The following SNX29 variants were observed in gnomAD, a reference collection of about 807,000 sequenced individuals.
SNX29 encodes sorting nexin-29.
In SNX29, 78 loss-of-function variants were observed where a neutral mutation model predicts 102.1. That is an observed-to-expected ratio of 0.76 (90% CI 0.64 to 0.92). SNX29 has a LOEUF of 0.92. Among genes scored for constraint, SNX29 ranks in the 40% least tolerant of loss-of-function variants. SNX29 has a pLI of 0.00. For synonymous variants in SNX29, 580 were observed against 414.5 expected (o/e 1.40, Z -4.85); for missense variants, 1,280 against 1,061.7 (o/e 1.21, Z -2.86).
chr16:12,004,792 A>G (rs2056401329), intron 3 of SNX29, among the ~76,000 whole-genome samples: 1 of 152,236 alleles, frequency 6.6e-6, no homozygotes. Flanking sequence ...ATTTAAAATG[A>G]TGCACCCTAT....
intron 13 of SNX29, among the ~76,000 whole-genome samples, chr16:12,189,296 A>G (rs1259949560): frequency 6.6e-6 from 1 of 152,162 alleles, no homozygotes; most frequent in Non-Finnish European, 1.5e-5. Flanking sequence ...TTTCTTGCAA[A>G]ATGGTTGAGT....
intron 1 of SNX29, among the ~76,000 whole-genome samples, chr16:11,991,392 C>G (rs2055841206): frequency 6.6e-6 from 1 of 152,136 alleles, no homozygotes; most frequent in Admixed American, 6.6e-5. Context: ...TGCCGTGAGA[C>G]TTGCCGTCTC....
intron 19 of SNX29, among the ~76,000 whole-genome samples, chr16:12,479,008 C>T (rs191060588): frequency 3.3e-5 from 5 of 152,254 alleles, no homozygotes; most frequent in South Asian, 2.1e-4. Context: ...TGTAAGACAT[C>T]GGGCATTGTA....
chr16:12,121,073 A>G (rs1478352143), intron 11 of SNX29, among the ~76,000 whole-genome samples: 1 of 152,192 alleles, frequency 6.6e-6, no homozygotes, highest in Admixed American at 6.5e-5. Context: ...TTGTTTATCA[A>G]TTCACTTACG....
rs1439032702 is a variant in SNX29, at chr16:12,205,423, T to C, written c.1678+5740T>C. Among the ~76,000 whole-genome samples, 4 of 152,226 alleles carry C rather than the reference T, an allele frequency of 2.6e-5. No individual in the cohort carries two copies. In the East Asian group the frequency reaches 7.7e-4, roughly 29 times the overall value. On this transcript the variant is annotated intron_variant, in intron 14 of 20. Transcript: ENST00000566228. ...TCATGGTTTTCCAGTCCTGACTTTT[T>C]GATGATGGCCTTCAGTGCTTGTGAT... is the stretch of plus-strand genomic sequence containing the variant.
At chr16:12,323,285 G>A (rs1329325762) in intron 15 of SNX29, among the ~76,000 whole-genome samples, 1 of 152,184 alleles carries the variant, frequency 6.6e-6, no homozygotes, top group East Asian at 1.9e-4. Context: ...GCATTTTAAT[G>A]TCGTTACTTT....
intron 13 of SNX29, chr16:12,135,521 A>C (rs2054627676): frequency 4.5e-6 from 6 of 1,319,188 alleles, no homozygotes; most frequent in Non-Finnish European, 6.0e-6. Context: ...GGATGGTGCC[A>C]GCCAGTTCTC....
At chr16:12,518,966 G>A (rs2089986269) in intron 19 of SNX29, among the ~76,000 whole-genome samples, 1 of 152,172 alleles carries the variant, frequency 6.6e-6, no homozygotes, top group Non-Finnish European at 1.5e-5. Flanking sequence ...TGGTCATACT[G>A]CCTGTGCAAG....
rs59431064 is a variant in SNX29 at position 12,501,724 on chromosome 16, CAAAAAAAA to C, written c.2179-22958_2179-22951del. 2.9e-3 allele frequency among the ~76,000 whole-genome samples: 132 copies of C among 44,920 alleles called. 1 individual carries two copies. The highest frequency in any genetic ancestry group is 8.6e-3 in the African/African-American group (119 of 13,854). The allele number at this position is 44,920 out of a possible 152,430, so 29.5% of individuals were successfully genotyped here. ...TGGGTGGCAGAGCAAGACACTGTCT[CAAAAAAAA>C]AAAAAAAAAAAAAAAAAAAGGCAGT... On this transcript the variant is annotated intron_variant, in intron 19 of 20. Transcript: ENST00000566228.
At chr16:12,192,228 G>T (rs1007629125) in intron 13 of SNX29, among the ~76,000 whole-genome samples, 1 of 152,150 alleles carries the variant, frequency 6.6e-6, no homozygotes, top group Non-Finnish European at 1.5e-5. Context: ...ATTTGCTTTC[G>T]TTCCCATGCT....
At chr16:11,996,319 G>A (rs1028102872) in intron 1 of SNX29, among the ~76,000 whole-genome samples, 1 of 152,192 alleles carries the variant, frequency 6.6e-6, no homozygotes, top group African/African-American at 2.4e-5. Flanking sequence ...AGGAGGTTGA[G>A]ACTGTAGAAA....
intron 14 of SNX29, among the ~76,000 whole-genome samples, chr16:12,267,711 A>G (rs917079315): frequency 5.3e-5 from 8 of 152,148 alleles, no homozygotes; most frequent in Non-Finnish European, 8.8e-5. Context: ...ATTCCTCGCA[A>G]TGGAACGGCA....
intron 14 of SNX29, among the ~76,000 whole-genome samples, chr16:12,247,710 C>T (rs924115650): frequency 3.9e-5 from 6 of 152,218 alleles, no homozygotes; most frequent in South Asian, 2.1e-4. Flanking sequence ...AAAAGTCCCA[C>T]TTCCCAGCGG....
chr16:12,492,580 G>C (rs1004527922), intron 19 of SNX29, among the ~76,000 whole-genome samples: 10 of 152,228 alleles, frequency 6.6e-5, no homozygotes, highest in African/African-American at 2.2e-4. Flanking sequence ...ATTGCTTTTG[G>C]TGTTTTAGAC....
At chr16:12,430,794 C>T (rs1042361182) in intron 18 of SNX29, among the ~76,000 whole-genome samples, 1 of 151,820 alleles carries the variant, frequency 6.6e-6, no homozygotes, top group East Asian at 1.9e-4. Context: ...CACCTTAGTC[C>T]ACTTGTAAGT....
intron 9 of SNX29, among the ~76,000 whole-genome samples, chr16:12,068,293 A>G (rs1260270637): frequency 6.6e-6 from 1 of 152,000 alleles, no homozygotes; most frequent in African/African-American, 2.4e-5. Flanking sequence ...CCTGGGCAAC[A>G]TAGTGGGACC....
In SNX29 at chr16:12,403,493, C is replaced by T. The variant is rs1450451594; in HGVS notation, c.2001C>T (p.Leu667=). The T allele has an allele frequency of 6.2e-7, 1 of 1,608,690 alleles. No homozygotes were observed. Among genetic ancestry groups the T allele is most frequent in the South Asian group, 1.1e-5 (1 of 89,422 alleles). ...ACGTCTGGATCCCCTCAGTGTTTCT[C>T]CGGGGCAAAGCAGCAAATGCATTCC... ...LINVWIPSVF[L]RGKAANAFHV... is the part of the protein sequence containing the mutation. The change falls in exon 18 of 21, where the codon CTC becomes CTT. Residue 667 remains leucine (L), a synonymous_variant. Coordinates refer to ENST00000566228, the MANE Select transcript of SNX29 (RefSeq NM_032167.5).
At chr16:12,155,378 G>A (rs532356387) in intron 13 of SNX29, among the ~76,000 whole-genome samples, 11 of 152,296 alleles carry the variant, frequency 7.2e-5, no homozygotes, top group South Asian at 2.1e-4. Flanking sequence ...AGCAGCTCAC[G>A]TGAAGAGCCA....
chr16:12,439,239 G>C (rs2085685660), intron 18 of SNX29, among the ~76,000 whole-genome samples: 1 of 146,780 alleles, frequency 6.8e-6, no homozygotes, highest in Admixed American at 6.9e-5. Context: ...CGGCTAGTGG[G>C]CCAGCAGCTG....
Sources: gnomAD v4.1 joint callset for allele counts (sites outside exome capture counted in the v4.1 genomes callset) on GRCh38, gnomAD v4.1.1 for gene constraint, MANE v1.5 for transcripts, NCBI Gene and HGNC (gene_info 2026-07-23, HGNC 2026-07-21) for gene names.